The following PLA2G4A variants were observed in gnomAD, a reference collection of about 807,000 sequenced individuals.
PLA2G4A encodes cytosolic phospholipase A2.
Under a neutral mutation model 81.9 loss-of-function variants are expected in PLA2G4A, and 40 were observed. The ratio of observed to expected loss-of-function variants is 0.49; its 90% confidence interval spans 0.38 to 0.64. PLA2G4A has a LOEUF of 0.64. PLA2G4A is among the 30% of genes least tolerant of loss of function. The pLI is 0.00. For missense variants in PLA2G4A, 715 were observed against 905.1 expected (o/e 0.79, Z 2.69); for synonymous variants, 302 against 296.9 (o/e 1.02, Z -0.18).
intron 2 of PLA2G4A, among the ~76,000 whole-genome samples, chr1:186,868,166 C>A (rs1653104115): frequency 6.6e-6 from 1 of 150,560 alleles, no homozygotes; most frequent in African/African-American, 2.5e-5. Context: ...CCACTGCTGC[C>A]AGGGTTCAAG....
At position 186,956,354 on chromosome 1, in the gene PLA2G4A, C is replaced by T; in HGVS notation, c.1579+10C>T. ...GATGCAGCTGTAGCAGGTAAGTGTA[C>T]AAATATAATTAGTGGGAGCTAATGC... On this transcript the variant is annotated intron_variant, in intron 14 of 17. Coordinates refer to ENST00000367466, the MANE Select transcript of PLA2G4A (RefSeq NM_024420.3). The T allele has an allele frequency of 1.2e-6, 2 of 1,612,072 alleles. No homozygotes were observed. Among genetic ancestry groups the T allele is most frequent in the Non-Finnish European group, 1.7e-6 (2 of 1,178,182 alleles).
intron 2 of PLA2G4A, among the ~76,000 whole-genome samples, chr1:186,855,148 T>C (rs1652505822): frequency 6.6e-6 from 1 of 152,018 alleles, no homozygotes; most frequent in Non-Finnish European, 1.5e-5. Context: ...TAATGTCTTC[T>C]TCCTGTCCAT....
chr1:186,870,309 C>T (rs948760442), intron 2 of PLA2G4A, 126 bp from the exon 3 acceptor site: 8 of 707,014 alleles, frequency 1.1e-5, no homozygotes, highest in Non-Finnish European at 2.1e-5. Flanking sequence ...AGCAGCCTTA[C>T]ATCAAAGAAT....
intron 14 of PLA2G4A, among the ~76,000 whole-genome samples, chr1:186,964,543 A>G (rs1177415288): frequency 6.6e-6 from 1 of 151,976 alleles, no homozygotes; most frequent in Non-Finnish European, 1.5e-5. Flanking sequence ...TAACTTCTGG[A>G]TCCCACCCTC....
chr1:186,949,387 G>GAAAGA (rs1553219101), intron 12 of PLA2G4A, among the ~76,000 whole-genome samples: 2 of 145,196 alleles, frequency 1.4e-5, no homozygotes. Context: ...AAGAAAGAAA[G>GAAAGA]AAAAAAGAAA....
At chr1:186,954,739 CTA>C (rs1179533821) in intron 13 of PLA2G4A, among the ~76,000 whole-genome samples, 4 of 151,826 alleles carry the variant, frequency 2.6e-5, no homozygotes, top group Admixed American at 2.6e-4. Flanking sequence ...AAATGTGTGA[CTA>C]TTTATATACA....
intron 15 of PLA2G4A, among the ~76,000 whole-genome samples, chr1:186,972,011 A>G (rs1313138166): frequency 6.6e-6 from 1 of 152,104 alleles, no homozygotes; most frequent in Non-Finnish European, 1.5e-5. Flanking sequence ...TTTGCAGAAA[A>G]TTCTAGCACT....
At chr1:186,978,401 C>T (rs1433264128) in intron 16 of PLA2G4A, among the ~76,000 whole-genome samples, 1 of 151,824 alleles carries the variant, frequency 6.6e-6, no homozygotes, top group Non-Finnish European at 1.5e-5. Context: ...ATTTTAGGAC[C>T]AGAAAATGTG....
chr1:186,911,884 T>A (rs1027773987), intron 7 of PLA2G4A, among the ~76,000 whole-genome samples: 8 of 152,068 alleles, frequency 5.3e-5, no homozygotes, highest in African/African-American at 1.9e-4. Flanking sequence ...AAGACAAAGG[T>A]GCACCAGTGG....
chr1:186,857,351 AAATAT>A (rs1652620526), intron 2 of PLA2G4A, among the ~76,000 whole-genome samples: 1 of 123,814 alleles, frequency 8.1e-6, no homozygotes, highest in Non-Finnish European at 1.6e-5. Flanking sequence ...TATATATTAT[AAATAT>A]AATATTATAT....
At chr1:186,879,840 T>C (rs952978623) in intron 3 of PLA2G4A, among the ~76,000 whole-genome samples, 5 of 107,908 alleles carry the variant, frequency 4.6e-5, no homozygotes, top group Non-Finnish European at 1.0e-4. Flanking sequence ...TTTATTTATA[T>C]ATATATTTTT....
Position 186,870,531 on chromosome 1 carries a change from T to C in PLA2G4A, c.115+15T>C, listed in dbSNP as rs770412303. ...TGGTGACATGCGTAAGTGCCCTTTTTTTCTTTGCTGTTAAACATGTAATTA... is the reference window on the plus strand; with the variant it reads ...TGGTGACATGCGTAAGTGCCCTTTTCTTCTTTGCTGTTAAACATGTAATTA... On this transcript the variant is annotated intron_variant, in intron 3 of 17. Transcript: ENST00000367466. 6.4e-7 allele frequency: 1 copy of C among 1,556,546 alleles called. No individual in the cohort carries two copies. Among genetic ancestry groups the C allele is most frequent in the Admixed American group, 1.7e-5 (1 of 59,758 alleles).
chr1:186,863,609 C>T lies in PLA2G4A; in HGVS notation c.34-6826C>T, dbSNP rs531279395. Among the ~76,000 whole-genome samples, 9 of 152,084 alleles carry T rather than the reference C, an allele frequency of 5.9e-5. No individual in the cohort carries two copies. The South Asian group carries it at 1.5e-3, about 25-fold the overall frequency. ...TATTTCTCCTACCTAACTTTTTACC[C>T]GTTTACCATTCTCTCCCCCATTTTC... On this transcript the variant is annotated intron_variant, in intron 2 of 17. Transcript: ENST00000367466.
intron 7 of PLA2G4A, among the ~76,000 whole-genome samples, chr1:186,914,607 C>T (rs1655076382): frequency 6.6e-6 from 1 of 152,112 alleles, no homozygotes; most frequent in Non-Finnish European, 1.5e-5. Flanking sequence ...GTAATTAGAA[C>T]AGAACAGAAT....
intron 8 of PLA2G4A, among the ~76,000 whole-genome samples, chr1:186,937,880 C>A (rs367880279): frequency 6.6e-6 from 1 of 152,076 alleles, no homozygotes; most frequent in African/African-American, 2.4e-5. Context: ...CGTGAGTCTT[C>A]AAGACAACAG....
chr1:186,871,092 G>A (rs1377797507), intron 3 of PLA2G4A, among the ~76,000 whole-genome samples: 1 of 152,150 alleles, frequency 6.6e-6, no homozygotes, highest in Non-Finnish European at 1.5e-5. Flanking sequence ...ACTTAGAATT[G>A]TTAAAATGTA....
intron 17 of PLA2G4A, among the ~76,000 whole-genome samples, chr1:186,980,061 C>T (rs1322042166): frequency 6.7e-6 from 1 of 150,312 alleles, no homozygotes; most frequent in African/African-American, 2.4e-5. Context: ...CATTCTCCTG[C>T]CTCAGCCTCC....
At chr1:186,834,672 T>C (rs1651717646) in intron 1 of PLA2G4A, among the ~76,000 whole-genome samples, 1 of 152,126 alleles carries the variant, frequency 6.6e-6, no homozygotes, top group Admixed American at 6.5e-5. Context: ...GTAGTATGTA[T>C]ACTACTTTAA....
chr1:186,840,581 C>G (rs2102006120), intron 1 of PLA2G4A, among the ~76,000 whole-genome samples: 1 of 152,288 alleles, frequency 6.6e-6, no homozygotes, highest in South Asian at 2.1e-4. Flanking sequence ...ATTTATTCCT[C>G]TTAAAGATCA....
Sources: gnomAD v4.1 joint callset for allele counts (sites outside exome capture counted in the v4.1 genomes callset) on GRCh38, gnomAD v4.1.1 for gene constraint, MANE v1.5 for transcripts, NCBI Gene and HGNC (gene_info 2026-07-23, HGNC 2026-07-21) for gene names.